The following XIRP1 variants were observed in gnomAD, a reference collection of about 807,000 sequenced individuals.
The protein encoded by XIRP1 is xin actin-binding repeat-containing protein 1.
For synonymous variants in XIRP1, 984 were observed against 947.0 expected, an observed-to-expected ratio of 1.04 and a Z score of -0.72; for missense variants, 2,378 against 2,345.4, an observed-to-expected ratio of 1.01 and a Z score of -0.29.
chr3:39,191,754 C>T (rs1458202947), intron 1 of XIRP1, among the ~76,000 whole-genome samples: 1 of 152,214 alleles, frequency 6.6e-6, no homozygotes, highest in African/African-American at 2.4e-5. Flanking sequence ...CCTCGGGTCA[C>T]CTCCTCCTTG....
At position 39,187,763 on chromosome 3, in the gene XIRP1, C is replaced by A. The variant is rs1196827048; in HGVS notation, c.1683G>T (p.Met561Ile). 1.9e-6 allele frequency: 3 copies of A among 1,614,160 alleles called. No individual in the cohort carries two copies. In the East Asian group the frequency reaches 6.7e-5, roughly 36 times the overall value. Residue 561 changes from methionine to isoleucine, a missense_variant, in exon 2 of 2, where the codon ATG (methionine) becomes ATT (isoleucine). Coordinates refer to ENST00000340369, the MANE Select transcript of XIRP1 (RefSeq NM_194293.4). The stretch of plus-strand genomic sequence containing the variant: ...GTTCCTGCTGCTCCCGTTGGTGGAT[C>A]ATCTCCAGGGGCTGGGTCTCAAAAA... ...RWLFETQPLE[M>I]IHQREQQERQ...
Position 39,184,192 on chromosome 3 carries a change from G to A in XIRP1, c.5254C>T (p.Leu1752=). Residue 1752 remains leucine (L), a synonymous_variant, in exon 2 of 2, where the codon CTA becomes TTA. Transcript: ENST00000340369. ...TGTGAGCTCCCTGGCCCCGTCTGTAGCTCCAGAACACTCTTTTGCCACCCT... is the reference window on the plus strand; with the variant it reads ...TGTGAGCTCCCTGGCCCCGTCTGTAACTCCAGAACACTCTTTTGCCACCCT... ...PRGWQKSVLE[L]QTGPGSSQHY... The A allele has an allele frequency of 6.2e-7, 1 of 1,614,226 alleles. No individual in the cohort carries two copies. The highest frequency in any genetic ancestry group is 8.5e-7 in the Non-Finnish European group (1 of 1,180,032).
Position 39,185,718 on chromosome 3 carries a change from G to A in XIRP1, c.3728C>T (p.Ala1243Val). Residue 1243 changes from alanine to valine, a missense_variant, in exon 2 of 2, where the codon GCA becomes GTA. Coordinates refer to ENST00000340369, the MANE Select transcript of XIRP1 (RefSeq NM_194293.4). ...ATTATGGGGGTGCGGGCTGGCACCT[G>A]CAGCTTGGGGCCCAGAGGCCAGAAT... ...RHILASGPQA[A>V]GASPHPHNAF... 6.2e-7 allele frequency: 1 copy of A among 1,609,934 alleles called. No homozygotes were observed. Among genetic ancestry groups the A allele is most frequent in the Non-Finnish European group, 8.5e-7 (1 of 1,177,718 alleles).
In XIRP1 at chr3:39,187,646, A is replaced by C; in HGVS notation, c.1800T>G (p.Thr600=). The change falls in exon 2 of 2, where the codon ACT becomes ACG. Residue 600 remains threonine (T), a synonymous_variant. Transcript: ENST00000340369. ...TTTCGGCCAACTCACTCATTGGGCA[A>C]GTCTCGAACAACCACCGGATGGTCT... ...DVQTIRWLFE[T]CPMSELAEKQ... is the part of the protein sequence containing the mutation. 3.1e-6 allele frequency: 5 copies of C among 1,614,070 alleles called. No individual in the cohort carries two copies. The Middle Eastern group carries it at 4.9e-4, about 160-fold the overall frequency.
rs189373113 is a variant in XIRP1, at chr3:39,187,830, C to T, written c.1616G>A (p.Arg539Gln). ...STIDVVRGITRQEVVAGDVGT... is the reference protein window; with the variant it reads ...STIDVVRGITQQEVVAGDVGT... ...AACGTCCCCAGCCACCACTTCCTGC[C>T]GGGTGATGCCCCGCACCACGTCGAT... The change falls in exon 2 of 2, where the codon CGG becomes CAG. Residue 539 changes from arginine to glutamine, a missense_variant. By Grantham distance (43) the Arg-to-Gln change is conservative. Transcript: ENST00000340369. 9.9e-5 allele frequency: 160 copies of T among 1,614,120 alleles called. No homozygotes were observed. Among genetic ancestry groups the T allele is most frequent in the Middle Eastern group, 1.6e-4 (1 of 6,062 alleles).
In XIRP1 at chr3:39,187,719, T is replaced by C; in HGVS notation, c.1727A>G (p.Lys576Arg). The C allele has an allele frequency of 6.2e-7, 1 of 1,614,104 alleles. No individual in the cohort carries two copies. Among genetic ancestry groups the C allele is most frequent in the Admixed American group, 1.7e-5 (1 of 60,034 alleles). Residue 576 changes from lysine (K) to arginine (R), a missense_variant, in exon 2 of 2, where the codon AAG becomes AGG. By Grantham distance (26) the Lys-to-Arg change is conservative. Transcript: ENST00000340369. The part of the protein sequence containing the change: ...EQQERQKEEG[K>R]SQGDPQPEAP... ...CTCAGGCTGGGGGTCTCCCTGACTC[T>C]TCCCTTCTTCTTTCTGTCGTTCCTG...
Position 39,186,478 on chromosome 3 carries a change from C to G in XIRP1, c.2968G>C (p.Ala990Pro), listed in dbSNP as rs772682652. The G allele has an allele frequency of 5.0e-6, 8 of 1,613,976 alleles. No homozygotes were observed. The South Asian group carries it at 7.7e-5, about 16-fold the overall frequency. Residue 990 changes from alanine (A) to proline (P), a missense_variant, in exon 2 of 2, where the codon GCC (alanine) becomes CCC (proline). Physicochemically the swap from Ala to Pro is conservative, Grantham distance 27. Transcript: ENST00000340369. Reference sequence around the variant, plus strand: ...ATGGCCTGAGGAGGGCAAGGGGTGGCCCCTGAGGCTCTCAGATGCCCCATC... The same window carrying G: ...ATGGCCTGAGGAGGGCAAGGGGTGGGCCCTGAGGCTCTCAGATGCCCCATC... ...MGMGHLRASGATPCPPQAIGK... is the reference protein window; with the variant it reads ...MGMGHLRASGPTPCPPQAIGK...
chr3:39,187,560 A>G lies in XIRP1; in HGVS notation c.1886T>C (p.Met629Thr). ...CCTGTCCACAGGTTGGGGCTTGAAC[A>G]TCCAGGTGCAGGACTGTGCCTCAGC... ...AKAEAQSCTW[M>T]FKPQPVDRPV... is the part of the protein sequence containing the mutation. The change falls in exon 2 of 2, where the codon ATG (methionine) becomes ACG (threonine). Residue 629 changes from methionine (M) to threonine (T), a missense_variant. Coordinates refer to ENST00000340369, the MANE Select transcript of XIRP1 (RefSeq NM_194293.4). The G allele has an allele frequency of 6.2e-7, 1 of 1,614,046 alleles. No individual in the cohort carries two copies. The highest frequency in any genetic ancestry group is 1.7e-5 in the Admixed American group (1 of 60,038).
At position 39,186,704 on chromosome 3, in the gene XIRP1, G is replaced by T; in HGVS notation, c.2742C>A (p.Pro914=). 6.2e-7 allele frequency: 1 copy of T among 1,614,010 alleles called. No homozygotes were observed. The highest frequency in any genetic ancestry group is 8.5e-7 in the Non-Finnish European group (1 of 1,180,042). The change falls in exon 2 of 2, where the codon CCC becomes CCA. Residue 914 remains proline (P), a synonymous_variant. Transcript: ENST00000340369. ...LVALTAYSLQ[P]RLTSKASERS... is the part of the protein sequence containing the mutation. ...TCTCAGAGGCCTTGCTAGTTAGCCG[G>T]GGCTGCAGAGAGTAGGCAGTCAGTG...
rs1034862392 is a variant in XIRP1 at position 39,184,552 on chromosome 3, CTG to C, written c.4892_4893del (p.Thr1631ArgfsTer58). ...GTTGAGGCTGTGTGACCTCTGGCCTCTGTGTGATTTCTGATCTTGACTTGACT... is the reference window on the plus strand; with the variant it reads ...GTTGAGGCTGTGTGACCTCTGGCCTCTGTGATTTCTGATCTTGACTTGACT... ...AQSQVKIRNH[T>X]EARGHTASTA... On this transcript the variant is annotated frameshift_variant, in exon 2 of 2. Coordinates refer to ENST00000340369, the MANE Select transcript of XIRP1 (RefSeq NM_194293.4). LOFTEE classifies it low-confidence loss of function (END_TRUNC). 2.5e-6 allele frequency: 4 copies of C among 1,613,912 alleles called. No individual in the cohort carries two copies. In the Admixed American group the frequency reaches 5.0e-5, roughly 20 times the overall value.
chr3:39,189,409 T>C lies in XIRP1; in HGVS notation c.37A>G (p.Thr13Ala). 6.2e-6 allele frequency: 10 copies of C among 1,607,580 alleles called. No homozygotes were observed. The highest frequency in any genetic ancestry group is 8.5e-6 in the Non-Finnish European group (10 of 1,177,034). ...TCCTCTGCAGTTGCCATCCTCATGG[T>C]TGGTGTGGGGGCCACCTGTGTCTGG... ...DTQTQVAPTPTMRMATAEDLP... is the reference protein window; with the variant it reads ...DTQTQVAPTPAMRMATAEDLP... Residue 13 changes from threonine (T) to alanine (A), a missense_variant, in exon 2 of 2, where the codon ACC becomes GCC. By Grantham distance (58) the Thr-to-Ala change is moderately conservative. Coordinates refer to ENST00000340369, the MANE Select transcript of XIRP1 (RefSeq NM_194293.4).
chr3:39,188,294 T>A lies in XIRP1; in HGVS notation c.1152A>T (p.Leu384=), dbSNP rs777065356. ...VPGDVRSTLW[L]FETKPLDAFR... ...AAGCATCCAGGGGCTTTGTTTCAAA[T>A]AGCCACAGGGTGGAGCGGACATCAC... is the stretch of plus-strand genomic sequence containing the variant. The change falls in exon 2 of 2, where the codon CTA becomes CTT. Residue 384 remains leucine (L), a synonymous_variant. Coordinates refer to ENST00000340369, the MANE Select transcript of XIRP1 (RefSeq NM_194293.4). The A allele has an allele frequency of 1.2e-6, 2 of 1,614,052 alleles. No individual in the cohort carries two copies. Among genetic ancestry groups the A allele is most frequent in the Non-Finnish European group, 1.7e-6 (2 of 1,179,998 alleles).
Position 39,183,629 on chromosome 3 carries a change from CAT to C in XIRP1, c.*283_*284del, listed in dbSNP as rs555788409. The C allele has an allele frequency of 2.8e-4, 121 of 435,986 alleles. No individual in the cohort carries two copies. Among genetic ancestry groups the C allele is most frequent in the East Asian group, 1.0e-3 (26 of 25,838 alleles). 27.0% of individuals were successfully genotyped at this position (435,986 alleles called of 1,614,324 possible). A position where few individuals can be genotyped will look rare whatever the true frequency, so the allele number is the denominator to read the frequency against. ...GCGTGGGCCAGGCCTGTGTGAAAAA[CAT>C]GTGTGTGTCTGTATATATTACATCC... is the stretch of plus-strand genomic sequence containing the variant. On this transcript the variant is annotated 3_prime_UTR_variant, in exon 2 of 2. Transcript: ENST00000340369.
Position 39,188,443 on chromosome 3 carries a change from G to A in XIRP1, c.1003C>T (p.Leu335Phe), listed in dbSNP as rs1431740856. The part of the protein sequence containing the change: ...DEKDFQPSPD[L>F]IPPGPDVQQQ... ...TGAACATCTGGACCAGGTGGGATAA[G>A]GTCTGGGGATGGCTGGAAGTCCTTC... The change falls in exon 2 of 2, where the codon CTT becomes TTT. Residue 335 changes from leucine to phenylalanine, a missense_variant. Transcript: ENST00000340369. The A allele has an allele frequency of 1.9e-6, 3 of 1,604,558 alleles. No homozygotes were observed. The highest frequency in any genetic ancestry group is 1.7e-4 in the Middle Eastern group (1 of 6,044).
At position 39,188,244 on chromosome 3, in the gene XIRP1, T is replaced by A. The variant is rs753226376; in HGVS notation, c.1202A>T (p.His401Leu). Residue 401 changes from histidine to leucine, a missense_variant, in exon 2 of 2, where the codon CAC (histidine) becomes CTC (leucine). Transcript: ENST00000340369. ...GTCCTGGGGATCCACTCGCTGTAGG[T>A]GACCCACTTGGACCTTGTCTCTGAA... is the stretch of plus-strand genomic sequence containing the variant. Reference protein sequence around the residue: ...DAFRDKVQVGHLQRVDPQDGE... With the variant: ...DAFRDKVQVGLLQRVDPQDGE... The A allele has an allele frequency of 1.9e-6, 3 of 1,614,174 alleles. No homozygotes were observed. The East Asian group carries it at 6.7e-5, about 36-fold the overall frequency.
At position 39,188,853 on chromosome 3, in the gene XIRP1, C is replaced by T. The variant is rs764360295; in HGVS notation, c.593G>A (p.Arg198Gln). ...VQGTRMLFET[R>Q]PLDRLGSRPS... ...GCGGGAGCCCAGGCGGTCCAGCGGC[C>T]GCGTCTCAAAGAGCATCCTGGTACC... The change falls in exon 2 of 2, where the codon CGG becomes CAG. Residue 198 changes from arginine to glutamine, a missense_variant. By Grantham distance (43) the Arg-to-Gln change is conservative. Coordinates refer to ENST00000340369, the MANE Select transcript of XIRP1 (RefSeq NM_194293.4). 22 of 1,612,412 alleles carry T rather than the reference C, an allele frequency of 1.4e-5. No homozygotes were observed. The highest frequency in any genetic ancestry group is 1.2e-4 in the African/African-American group (9 of 74,950).
At position 39,188,780 on chromosome 3, in the gene XIRP1, C is replaced by A; in HGVS notation, c.666G>T (p.Gln222His). 1 of 1,613,676 alleles carries A rather than the reference C, an allele frequency of 6.2e-7. No homozygotes were observed. The highest frequency in any genetic ancestry group is 8.5e-7 in the Non-Finnish European group (1 of 1,180,050). ...TCTTTTTCACATCACCCTTCAGCTCCTGGATCTCTGAGCGCAGTTCCAAGG... is the reference window on the plus strand; with the variant it reads ...TCTTTTTCACATCACCCTTCAGCTCATGGATCTCTGAGCGCAGTTCCAAGG... The part of the protein sequence containing the change: ...QSPLELRSEI[Q>H]ELKGDVKKTV... The change falls in exon 2 of 2, where the codon CAG becomes CAT. Residue 222 changes from glutamine to histidine, a missense_variant. Coordinates refer to ENST00000340369, the MANE Select transcript of XIRP1 (RefSeq NM_194293.4).
At position 39,185,598 on chromosome 3, in the gene XIRP1, G is replaced by C. The variant is rs773527256; in HGVS notation, c.3848C>G (p.Ala1283Gly). 6.2e-6 allele frequency: 10 copies of C among 1,604,182 alleles called. No individual in the cohort carries two copies. The highest frequency in any genetic ancestry group is 1.3e-5 in the African/African-American group (1 of 74,622). The change falls in exon 2 of 2, where the codon GCC (alanine) becomes GGC (glycine). Residue 1283 changes from alanine (A) to glycine (G), a missense_variant. Physicochemically the swap from Ala to Gly is moderately conservative, Grantham distance 60. Coordinates refer to ENST00000340369, the MANE Select transcript of XIRP1 (RefSeq NM_194293.4). ...AAGGGGGTCCTTCAGGGGCTCAGAG[G>C]CTTGCTGGATGGAGTCCTCAGCACG... ...AHRAEDSIQQ[A>G]SEPLKDPLLH... is the part of the protein sequence containing the mutation.
Position 39,185,580 on chromosome 3 carries a change from T to C in XIRP1, c.3866A>G (p.Asp1289Gly). The C allele has an allele frequency of 6.3e-7, 1 of 1,586,892 alleles. No homozygotes were observed. Among genetic ancestry groups the C allele is most frequent in the Middle Eastern group, 1.7e-4 (1 of 5,904 alleles). Residue 1289 changes from aspartate to glycine, a missense_variant, in exon 2 of 2, where the codon GAC becomes GGC. By Grantham distance (94) the Asp-to-Gly change is moderately conservative. Coordinates refer to ENST00000340369, the MANE Select transcript of XIRP1 (RefSeq NM_194293.4). ...GCTGCTGTGGGAGTGAAGAAGGGGG[T>C]CCTTCAGGGGCTCAGAGGCTTGCTG... Reference protein sequence around the residue: ...SIQQASEPLKDPLLHSHSSPA... With the variant: ...SIQQASEPLKGPLLHSHSSPA...
Sources: gnomAD v4.1 joint callset for allele counts (sites outside exome capture counted in the v4.1 genomes callset) on GRCh38, gnomAD v4.1.1 for gene constraint, MANE v1.5 for transcripts, NCBI Gene and HGNC (gene_info 2026-07-23, HGNC 2026-07-21) for gene names.